The following ADARB2 variants were observed in gnomAD, a reference collection of about 807,000 sequenced individuals.
The protein encoded by ADARB2 is adenosine deaminase RNA specific B2 (inactive).
In ADARB2, 25 loss-of-function variants were observed where a neutral mutation model predicts 62.2. That is an observed-to-expected ratio of 0.40 (90% confidence interval 0.29 to 0.56). The LOEUF (loss-of-function observed/expected upper bound fraction) is 0.56. Among genes scored for constraint, ADARB2 ranks in the 20% least tolerant of loss-of-function variants. The pLI is 0.43. For synonymous variants in ADARB2, 572 were observed against 500.8 expected, an observed-to-expected ratio of 1.14 and a Z score of -1.90; for missense variants, 1,071 against 1,077.4, an observed-to-expected ratio of 0.99 and a Z score of 0.08.
chr10:1,359,762 G>A (rs1832234090), intron 3 of ADARB2, among the ~76,000 whole-genome samples: 1 of 152,190 alleles, frequency 6.6e-6, no homozygotes, highest in African/African-American at 2.4e-5. Flanking sequence ...GCAGCACCAT[G>A]ACAAGCTCCA....
At chr10:1,595,619 C>G (rs906372675) in intron 1 of ADARB2, among the ~76,000 whole-genome samples, 1 of 152,230 alleles carries the variant, frequency 6.6e-6, no homozygotes, top group African/African-American at 2.4e-5. Flanking sequence ...AGTCCAATGC[C>G]TTTTCCCTGG....
At chr10:1,245,106 C>T (rs185368744) in intron 4 of ADARB2, among the ~76,000 whole-genome samples, 51 of 152,152 alleles carry the variant, frequency 3.4e-4, no homozygotes, top group African/African-American at 1.2e-3. Context: ...GGCCAGGACA[C>T]TGGGTGGGAG....
intron 3 of ADARB2, among the ~76,000 whole-genome samples, chr10:1,297,520 G>A (rs960987010): frequency 1.3e-5 from 2 of 152,136 alleles, no homozygotes; most frequent in Non-Finnish European, 2.9e-5. Context: ...ACCACTGGCC[G>A]TTCAGACCCC....
At chr10:1,288,871 C>T (rs1831438366) in intron 3 of ADARB2, among the ~76,000 whole-genome samples, 2 of 152,240 alleles carry the variant, frequency 1.3e-5, no homozygotes, top group South Asian at 4.1e-4. Context: ...TGGTGTAAGC[C>T]AAAAATAAAA....
At chr10:1,254,196 G>T (rs1041415442) in intron 4 of ADARB2, among the ~76,000 whole-genome samples, 2 of 151,240 alleles carry the variant, frequency 1.3e-5, no homozygotes, top group African/African-American at 2.5e-5. Context: ...GTTAGGATGT[G>T]GTGGGCTCTG....
At chr10:1,702,725 T>C (rs930175396) in intron 1 of ADARB2, among the ~76,000 whole-genome samples, 1 of 152,206 alleles carries the variant, frequency 6.6e-6, no homozygotes, top group Admixed American at 6.5e-5. Context: ...CATTTGAGAA[T>C]GAATGCCTCA....
chr10:1,730,565 A>G (rs1835217657), intron 1 of ADARB2, among the ~76,000 whole-genome samples: 1 of 152,158 alleles, frequency 6.6e-6, no homozygotes, highest in South Asian at 2.1e-4. Context: ...AACTTTCAAA[A>G]ATTTCACCTC....
At chr10:1,609,597 A>G (rs1253990661) in intron 1 of ADARB2, among the ~76,000 whole-genome samples, 1 of 152,242 alleles carries the variant, frequency 6.6e-6, no homozygotes, top group Non-Finnish European at 1.5e-5. Flanking sequence ...GGGTGTTTCA[A>G]TATTCACATT....
intron 1 of ADARB2, among the ~76,000 whole-genome samples, chr10:1,685,224 GTT>G (rs1834584224): frequency 1.3e-5 from 2 of 152,328 alleles, no homozygotes; most frequent in Middle Eastern, 3.4e-3. Flanking sequence ...GTGTGTGTGA[GTT>G]TGTGTGAATG....
intron 1 of ADARB2, among the ~76,000 whole-genome samples, chr10:1,723,313 G>A (rs950406250): frequency 3.9e-5 from 6 of 152,190 alleles, no homozygotes; most frequent in African/African-American, 1.4e-4. Flanking sequence ...TGTCCTCTGG[G>A]GACCTGAGCT....
At chr10:1,397,651 G>A (rs71491382) in intron 1 of ADARB2, among the ~76,000 whole-genome samples, 16 of 13,294 alleles carry the variant, frequency 1.2e-3, no homozygotes, top group East Asian at 3.9e-3. Flanking sequence ...CTTCCCTCCC[G>A]AGCGCAGGCT....
chr10:1,303,549 G>A (rs1394892842), intron 3 of ADARB2, among the ~76,000 whole-genome samples: 1 of 152,096 alleles, frequency 6.6e-6, no homozygotes, highest in Non-Finnish European at 1.5e-5. Context: ...TACTCCTCAA[G>A]AAGAGCAACT....
intron 1 of ADARB2, among the ~76,000 whole-genome samples, chr10:1,430,885 G>A (rs561928696): frequency 6.6e-5 from 10 of 152,338 alleles, no homozygotes; most frequent in African/African-American, 2.4e-4. Flanking sequence ...TTTAGTGCAT[G>A]TTCCAAACAA....
intron 1 of ADARB2, among the ~76,000 whole-genome samples, chr10:1,453,744 G>A (rs1039110821): frequency 3.9e-5 from 6 of 152,098 alleles, no homozygotes; most frequent in Admixed American, 1.3e-4. Context: ...GTACGCACAC[G>A]GAAAGAAGCT....
intron 1 of ADARB2, among the ~76,000 whole-genome samples, chr10:1,666,263 C>T (rs1052004100): frequency 6.6e-6 from 1 of 152,200 alleles, no homozygotes; most frequent in Admixed American, 6.5e-5. Flanking sequence ...AGCACAGCCC[C>T]GAGGGTCGGC....
At chr10:1,418,337 C>A (rs1194184424) in intron 1 of ADARB2, among the ~76,000 whole-genome samples, 1 of 152,178 alleles carries the variant, frequency 6.6e-6, no homozygotes, top group Non-Finnish European at 1.5e-5. Context: ...GCAGCGGGGA[C>A]CTGCCCTGTG....
At chr10:1,627,859 G>A (rs1833791045) in intron 1 of ADARB2, among the ~76,000 whole-genome samples, 1 of 152,166 alleles carries the variant, frequency 6.6e-6, no homozygotes, top group Admixed American at 6.5e-5. Context: ...GGTCATGTTT[G>A]TCCTCAAGGT....
intron 1 of ADARB2, among the ~76,000 whole-genome samples, chr10:1,401,476 G>A (rs1832662226): frequency 6.6e-6 from 1 of 152,186 alleles, no homozygotes; most frequent in Non-Finnish European, 1.5e-5. Context: ...AGGTGCCAGC[G>A]CTGTTCGGGG....
chr10:1,393,160 C>T (rs1237962285), intron 1 of ADARB2, among the ~76,000 whole-genome samples: 1 of 152,170 alleles, frequency 6.6e-6, no homozygotes, highest in Non-Finnish European at 1.5e-5. Flanking sequence ...GGAATGTGTC[C>T]ATTTTTCATG....
Sources: allele counts gnomAD v4.1 joint callset (sites outside exome capture counted in the v4.1 genomes callset), GRCh38; gene constraint gnomAD v4.1.1; transcripts MANE v1.5; gene names NCBI Gene and HGNC (gene_info 2026-07-23, HGNC 2026-07-21).